Variants in PLEKHA8 observed in about 807,000 individuals in gnomAD.
PLEKHA8 encodes the protein pleckstrin homology domain containing A8, also known as pleckstrin homology domain-containing family A member 8.
A neutral mutation model predicts 68.2 loss-of-function variants in PLEKHA8; 36 were observed. The observed-to-expected ratio is 0.53, with a 90% CI of 0.40 to 0.70. The LOEUF (loss-of-function observed/expected upper bound fraction) is 0.70, where lower values mean the gene tolerates loss of function less well. Among genes scored for constraint, PLEKHA8 ranks in the 30% least tolerant of loss-of-function variants. The pLI, the probability that PLEKHA8 is intolerant of heterozygous loss-of-function variation, is 0.00. For synonymous variants in PLEKHA8, 211 were observed against 216.1 expected, an observed-to-expected ratio of 0.98 and a Z score of 0.20; for missense variants, 505 against 615.4, an observed-to-expected ratio of 0.82 and a Z score of 1.90.
chr7:30,099,806 A>T (rs188561264), intron 13 of PLEKHA8, among the ~76,000 whole-genome samples: 2 of 152,376 alleles, frequency 1.3e-5, no homozygotes, highest in Admixed American at 1.3e-4. Context: ...CAACTAGATA[A>T]CATAACAAAA....
At chr7:30,060,593 T>C (rs561988440) in intron 9 of PLEKHA8, among the ~76,000 whole-genome samples, 59 of 152,334 alleles carry the variant, frequency 3.9e-4, no homozygotes, top group African/African-American at 1.4e-3. Flanking sequence ...ATCTGGTGGC[T>C]ACCATATTGG....
Position 30,062,658 on chromosome 7 carries a change from T to C in PLEKHA8, c.1230-14T>C, listed in dbSNP as rs184305378. On this transcript the variant is annotated splice_polypyrimidine_tract_variant and intron_variant, in intron 11 of 13. Coordinates refer to ENST00000449726, the MANE Select transcript of PLEKHA8 (RefSeq NM_001197026.2). ...AACTTTGAAAATAATATTTCTTCCT[T>C]TATTTTGTTTTAGAGGTCTCAAATT... The C allele has an allele frequency of 6.4e-4, 1,018 of 1,583,636 alleles. No homozygotes were observed. The highest frequency in any genetic ancestry group is 1.8e-3 in the Admixed American group (107 of 59,814).
rs1007985298 is a variant in PLEKHA8, at chr7:30,080,982, AGGTGAACTCTGT to A, written c.*2199_*2210del. On this transcript the variant is annotated 3_prime_UTR_variant, in exon 14 of 14. Coordinates refer to ENST00000449726, the MANE Select transcript of PLEKHA8 (RefSeq NM_001197026.2). ...AGCTGCTGGTGCTCCCTGTCACCTCAGGTGAACTCTGTGGTCTCTTGGAGAGGTAGCACTCTG... is the reference window on the plus strand; with the variant it reads ...AGCTGCTGGTGCTCCCTGTCACCTCAGGTCTCTTGGAGAGGTAGCACTCTG... 4.1e-6 allele frequency: 4 copies of A among 985,256 alleles called. No homozygotes were observed. The highest frequency in any genetic ancestry group is 4.8e-6 in the Non-Finnish European group (4 of 829,920). The allele number at this position is 985,256 out of a possible 1,614,324, so 61.0% of individuals were successfully genotyped here.
intron 12 of PLEKHA8, among the ~76,000 whole-genome samples, chr7:30,070,131 GTT>G (rs140563794): frequency 1.1e-4 from 16 of 145,546 alleles, no homozygotes; most frequent in Admixed American, 1.4e-4. Flanking sequence ...TTTGGGAAGT[GTT>G]TTTTTTTTTT....
Position 30,084,093 on chromosome 7 carries a change from ATC to A in PLEKHA8, c.*5308_*5309del. 3.0e-6 allele frequency: 3 copies of A among 985,452 alleles called. No individual in the cohort carries two copies. Among genetic ancestry groups the A allele is most frequent in the Non-Finnish European group, 3.6e-6 (3 of 829,920 alleles). 61.0% of individuals were successfully genotyped at this position (985,452 alleles called of 1,614,324 possible). ...CCTCATGTGAAATTGGCTGTGGACA[ATC>A]TGTGTCAGATGAGAAATGTGTTCAG... On this transcript the variant is annotated 3_prime_UTR_variant, in exon 14 of 14. Coordinates refer to ENST00000449726, the MANE Select transcript of PLEKHA8 (RefSeq NM_001197026.2).
At chr7:30,111,360 G>T (rs904370714) in intron 13 of PLEKHA8, among the ~76,000 whole-genome samples, 1 of 152,002 alleles carries the variant, frequency 6.6e-6, no homozygotes, top group African/African-American at 2.4e-5. Flanking sequence ...CTTGATTTCT[G>T]TAACTTTGTA....
intron 13 of PLEKHA8, among the ~76,000 whole-genome samples, chr7:30,107,686 T>C (rs1316025229): frequency 2.0e-5 from 3 of 152,206 alleles, no homozygotes; most frequent in African/African-American, 4.8e-5. Flanking sequence ...ATAGGTTCTT[T>C]GGTAGCTGCC....
intron 1 of PLEKHA8, among the ~76,000 whole-genome samples, chr7:30,038,713 A>T (rs78096115): frequency 0.013 from 1,927 of 152,276 alleles, 49 homozygotes; most frequent in African/African-American, 0.043. Flanking sequence ...AATGGAGTAC[A>T]GTTTTTCATA....
At chr7:30,076,640 T>A (rs1238513419) in intron 13 of PLEKHA8, among the ~76,000 whole-genome samples, 1 of 152,174 alleles carries the variant, frequency 6.6e-6, no homozygotes, top group Non-Finnish European at 1.5e-5. Flanking sequence ...AGTAAAAACA[T>A]CTTGAAGGCT....
intron 12 of PLEKHA8, among the ~76,000 whole-genome samples, chr7:30,089,749 G>C (rs565971807): frequency 6.6e-6 from 1 of 152,138 alleles, no homozygotes; most frequent in Non-Finnish European, 1.5e-5. Flanking sequence ...CAGGTGTGTT[G>C]TGCTCTCAGA....
rs1795017439 is a variant in PLEKHA8 at position 30,082,941 on chromosome 7, G to A, written c.*4154G>A. 6.1e-6 allele frequency: 6 copies of A among 985,338 alleles called. No individual in the cohort carries two copies. The highest frequency in any genetic ancestry group is 4.7e-5 in the South Asian group (1 of 21,284). The allele number at this position is 985,338 out of a possible 1,614,324, so 61.0% of individuals were successfully genotyped here. ...CAAGAACTTGGTTATATAATGGTGC[G>A]TCTCTGAATCACTGATTAAAACCAG... On this transcript the variant is annotated 3_prime_UTR_variant, in exon 14 of 14. Coordinates refer to ENST00000449726, the MANE Select transcript of PLEKHA8 (RefSeq NM_001197026.2).
chr7:30,096,178 G>T (rs1167895798), intron 13 of PLEKHA8, among the ~76,000 whole-genome samples: 1 of 152,136 alleles, frequency 6.6e-6, no homozygotes, highest in South Asian at 2.1e-4. Flanking sequence ...TCTTCCATTC[G>T]TTTGTATCCT....
At chr7:30,085,114 A>G (rs1303763976), downstream of PLEKHA8, among the ~76,000 whole-genome samples, 1 of 151,552 alleles carries the variant, frequency 6.6e-6, no homozygotes, top group Non-Finnish European at 1.5e-5. Context: ...CTGACTTTTA[A>G]TTTTAGTAGA....
At chr7:30,073,883 G>A (rs1794427935) in intron 12 of PLEKHA8, among the ~76,000 whole-genome samples, 188 bp from the exon 13 acceptor site, 1 of 151,856 alleles carries the variant, frequency 6.6e-6, no homozygotes, top group African/African-American at 2.4e-5. Context: ...CTAGCTACTC[G>A]TGGAGCTGAG....
chr7:30,085,805 G>T (rs1329394266), downstream of PLEKHA8, among the ~76,000 whole-genome samples: 4 of 152,202 alleles, frequency 2.6e-5, no homozygotes, highest in Non-Finnish European at 5.9e-5. Context: ...TGGGACTGGG[G>T]TGGCTATGTT....
Position 30,082,748 on chromosome 7 carries a change from A to G in PLEKHA8, c.*3961A>G. The G allele has an allele frequency of 2.0e-6, 2 of 982,124 alleles. No homozygotes were observed. The highest frequency in any genetic ancestry group is 2.4e-6 in the Non-Finnish European group (2 of 827,262). 60.8% of individuals were successfully genotyped at this position (982,124 alleles called of 1,614,324 possible). A position where few individuals can be genotyped will look rare whatever the true frequency, so the allele number is the denominator to read the frequency against. ...AGGGAAAGAGGAGCCAAAGTAAGAG[A>G]TTTTTTTTTAAGGAAACTTAATCTG... On this transcript the variant is annotated 3_prime_UTR_variant, in exon 14 of 14. Coordinates refer to ENST00000449726, the MANE Select transcript of PLEKHA8 (RefSeq NM_001197026.2).
chr7:30,121,587 C>T (rs1437792266), intron 13 of PLEKHA8, among the ~76,000 whole-genome samples: 1 of 152,080 alleles, frequency 6.6e-6, no homozygotes, highest in Admixed American at 6.6e-5. Context: ...AGAGATTGCG[C>T]CACTGCACTC....
At chr7:30,098,614 C>T (rs867699322) in intron 13 of PLEKHA8, among the ~76,000 whole-genome samples, 22 of 152,354 alleles carry the variant, frequency 1.4e-4, no homozygotes, top group African/African-American at 4.8e-4. Flanking sequence ...GCTCCGTGGG[C>T]GTAGGACCCT....
intron 1 of PLEKHA8, among the ~76,000 whole-genome samples, chr7:30,029,194 T>A (rs1277078038): frequency 6.6e-6 from 1 of 152,152 alleles, no homozygotes; most frequent in Non-Finnish European, 1.5e-5. Context: ...GTTGGAAGGT[T>A]TCAAAAGAAT....
Sources: allele counts gnomAD v4.1 joint callset (sites outside exome capture counted in the v4.1 genomes callset), GRCh38; gene constraint gnomAD v4.1.1; transcripts MANE v1.5; gene names NCBI Gene and HGNC (gene_info 2026-07-23, HGNC 2026-07-21).